Variants in CDH12 observed in about 807,000 individuals in gnomAD.
The protein encoded by CDH12 is cadherin-12.
CDH12 carries 41 observed loss-of-function variants against 74.1 expected under a neutral mutation model. The observed-to-expected ratio is 0.55, with a 90% confidence interval of 0.43 to 0.72. The LOEUF is 0.72. CDH12 is among the 30% of genes least tolerant of loss of function. CDH12 has a pLI of 0.00. For missense variants in CDH12, 945 were observed against 977.2 expected (o/e 0.97, Z 0.44); for synonymous variants, 399 against 355.0 (o/e 1.12, Z -1.39).
chr5:22,145,236 A>G (rs1187852275), intron 4 of CDH12, among the ~76,000 whole-genome samples: 2 of 152,122 alleles, frequency 1.3e-5, no homozygotes, highest in Non-Finnish European at 2.9e-5. Context: ...CTGTGTATAT[A>G]TATCTGTGTA....
chr5:22,123,490 T>C (rs879852518), intron 4 of CDH12, among the ~76,000 whole-genome samples: 4 of 152,148 alleles, frequency 2.6e-5, no homozygotes, highest in Non-Finnish European at 5.9e-5. Flanking sequence ...AAATCCAAAG[T>C]TTAGTATTAG....
At chr5:22,078,922 A>ATG in intron 4 of CDH12, 60 bp from the exon 5 acceptor site, 14 of 881,218 alleles carry the variant, frequency 1.6e-5, no homozygotes, top group Non-Finnish European at 2.1e-5. Flanking sequence ...GATATTCATC[A>ATG]CAACGCTCAT....
chr5:21,782,735 C>T (rs78413462), intron 11 of CDH12, among the ~76,000 whole-genome samples: 2,245 of 152,156 alleles, frequency 0.015, 59 homozygotes, highest in African/African-American at 0.049. Context: ...TAACCTTGAT[C>T]GTTCTGCCAA....
intron 3 of CDH12, among the ~76,000 whole-genome samples, chr5:22,310,080 C>A (rs1162847998): frequency 2.6e-5 from 4 of 151,874 alleles, no homozygotes; most frequent in Non-Finnish European, 5.9e-5. Context: ...AGCAAGCCAC[C>A]ATGGCACATG....
intron 8 of CDH12, among the ~76,000 whole-genome samples, chr5:21,832,809 T>A (rs1380979909): frequency 2.1e-5 from 1 of 47,152 alleles, no homozygotes; most frequent in Non-Finnish European, 3.0e-5. Flanking sequence ...TATATTATCA[T>A]ATAATATATG....
At chr5:21,854,968 G>A (rs1484961563) in intron 6 of CDH12, among the ~76,000 whole-genome samples, 178 bp from the exon 7 acceptor site, 2 of 151,750 alleles carry the variant, frequency 1.3e-5, no homozygotes, top group African/African-American at 2.4e-5. Flanking sequence ...CAATGATATA[G>A]TTAGTGCAAA....
intron 1 of CDH12, among the ~76,000 whole-genome samples, chr5:22,751,548 T>A (rs1745577723): frequency 6.6e-6 from 1 of 151,950 alleles, no homozygotes; most frequent in African/African-American, 2.4e-5. Context: ...GCTGTTAGCG[T>A]CTGGAGTATT....
chr5:21,806,978 T>C (rs1747462140), intron 9 of CDH12, among the ~76,000 whole-genome samples: 1 of 152,196 alleles, frequency 6.6e-6, no homozygotes, highest in South Asian at 2.1e-4. Context: ...ATTATGATAG[T>C]GGCCTGAATT....
intron 5 of CDH12, among the ~76,000 whole-genome samples, chr5:22,030,119 G>T (rs4376236): frequency 0.22 from 31,038 of 141,790 alleles, 2,486 homozygotes; most frequent in South Asian, 0.29. Context: ...GTTGTGGGGT[G>T]GGGGGGAGGG....
chr5:22,671,631 C>T (rs1320093187), intron 1 of CDH12, among the ~76,000 whole-genome samples: 1 of 151,938 alleles, frequency 6.6e-6, no homozygotes, highest in Non-Finnish European at 1.5e-5. Flanking sequence ...AATTGGGAAC[C>T]ACTTGGACAG....
intron 3 of CDH12, among the ~76,000 whole-genome samples, chr5:22,342,412 C>T (rs960682219): frequency 6.6e-6 from 1 of 152,144 alleles, no homozygotes; most frequent in African/African-American, 2.4e-5. Context: ...CTTGTAGGAA[C>T]ATAAGGGCTT....
At chr5:22,841,486 A>G (rs1313363973) in intron 1 of CDH12, among the ~76,000 whole-genome samples, 1 of 152,156 alleles carries the variant, frequency 6.6e-6, no homozygotes, top group African/African-American at 2.4e-5. Context: ...AAAGTTGAGT[A>G]TAGGAGATTA....
intron 7 of CDH12, among the ~76,000 whole-genome samples, chr5:21,852,297 A>G (rs1579835284): frequency 6.6e-6 from 1 of 151,344 alleles, no homozygotes; most frequent in East Asian, 1.9e-4. Context: ...AAAATCTATT[A>G]CATAGCTTAC....
rs543250929 is a variant in CDH12, at chr5:22,255,227, G to T, written c.-332-42584C>A. Among the ~76,000 whole-genome samples, 3 of 151,204 alleles carry T rather than the reference G, an allele frequency of 2.0e-5. No individual in the cohort carries two copies. In the South Asian group the frequency reaches 6.2e-4, roughly 31 times the overall value. On this transcript the variant is annotated intron_variant, in intron 3 of 14. Transcript: ENST00000382254. ...AAAGTGGGAAGTGACCTTTTTAATT[G>T]TGAAGACAAATACTTTAACCTCTGA...
intron 3 of CDH12, among the ~76,000 whole-genome samples, chr5:22,399,877 C>T (rs1032206606): frequency 5.3e-5 from 8 of 152,132 alleles, no homozygotes; most frequent in Non-Finnish European, 8.8e-5. Flanking sequence ...GATATTAAAG[C>T]TGACTCTGTG....
chr5:22,390,038 T>C (rs928308639), intron 3 of CDH12, among the ~76,000 whole-genome samples: 24 of 100,036 alleles, frequency 2.4e-4, no homozygotes, highest in African/African-American at 4.9e-4. Flanking sequence ...CACACACACA[T>C]GCACGCACAC....
At chr5:22,804,225 T>C (rs756012953) in intron 1 of CDH12, among the ~76,000 whole-genome samples, 4 of 152,174 alleles carry the variant, frequency 2.6e-5, no homozygotes, top group Non-Finnish European at 5.9e-5. Context: ...GGAAATATAA[T>C]ATGATTTTCT....
chr5:22,239,909 T>C (rs1752688379), intron 3 of CDH12, among the ~76,000 whole-genome samples: 1 of 152,182 alleles, frequency 6.6e-6, no homozygotes, highest in South Asian at 2.1e-4. Context: ...TGAGTAAATA[T>C]GAAGGTAGCT....
intron 1 of CDH12, among the ~76,000 whole-genome samples, 166 bp from the exon 2 acceptor site, chr5:22,505,530 A>C (rs1375847644): frequency 6.6e-6 from 1 of 152,122 alleles, no homozygotes; most frequent in Non-Finnish European, 1.5e-5. Flanking sequence ...TTATAAGTGC[A>C]TTTCTCAATG....
Sources: gnomAD v4.1 joint callset for allele counts (sites outside exome capture counted in the v4.1 genomes callset) on GRCh38, gnomAD v4.1.1 for gene constraint, MANE v1.5 for transcripts, NCBI Gene and HGNC (gene_info 2026-07-23, HGNC 2026-07-21) for gene names.